The following DIPK2B variants were observed in gnomAD, a reference collection of about 807,000 sequenced individuals.
The protein encoded by DIPK2B is divergent protein kinase domain 2B, also known as UPF0672 protein CXorf36.
Under a neutral mutation model 22.2 loss-of-function variants are expected in DIPK2B, and 15 were observed. The observed-to-expected ratio is 0.68, with a 90% CI of 0.45 to 1.04. DIPK2B has a LOEUF of 1.04. Ranked by LOEUF, DIPK2B falls within the 50% of genes least tolerant of loss-of-function variation. The probability of loss-of-function intolerance (pLI) is 0.00; values close to 1 mark genes in which losing one functional copy is unlikely to be tolerated. For synonymous variants in DIPK2B, 163 were observed against 153.2 expected (o/e 1.06, Z -0.47); for missense variants, 345 against 348.3 (o/e 0.99, Z 0.08).
chrX:45,189,982 G>T (rs2047202707), intron 2 of DIPK2B, among the ~76,000 whole-genome samples: 1 of 111,944 alleles, frequency 8.9e-6, no homozygotes, highest in South Asian at 3.7e-4. Flanking sequence ...ATGCTGTTTT[G>T]GCAGAAAGAA....
At chrX:45,162,518 G>T in intron 2 of DIPK2B, 1 of 754,119 alleles carries the variant, frequency 1.3e-6, no homozygotes, top group Non-Finnish European at 1.6e-6. Context: ...TTTGGCATGT[G>T]CTGGCCATGT....
intron 1 of DIPK2B, among the ~76,000 whole-genome samples, chrX:45,194,485 A>G (rs976216020): frequency 1.8e-5 from 2 of 110,919 alleles, no homozygotes; most frequent in African/African-American, 3.3e-5. Flanking sequence ...CCTGTCTTCA[A>G]GTGATCCACC....
intron 2 of DIPK2B, among the ~76,000 whole-genome samples, chrX:45,185,653 C>CTTTT (rs147218566): frequency 4.6e-5 from 4 of 86,458 alleles, no homozygotes; most frequent in Admixed American, 1.3e-4. Context: ...CTTTTCTTTT[C>CTTTT]TTTTTTTTTT....
At chrX:45,192,467 C>T (rs939221253) in intron 1 of DIPK2B, among the ~76,000 whole-genome samples, 1 of 110,529 alleles carries the variant, frequency 9.0e-6, no homozygotes, top group African/African-American at 3.3e-5. Context: ...GTCAGCAAAC[C>T]CCAGTATCTC....
intron 2 of DIPK2B, among the ~76,000 whole-genome samples, chrX:45,184,283 A>G (rs1228833045): frequency 9.0e-6 from 1 of 111,717 alleles, no homozygotes; most frequent in African/African-American, 3.3e-5. Flanking sequence ...TTTGGGATGA[A>G]CTTTCCAAGT....
At position 45,157,780 on chromosome X, in the gene DIPK2B, T is replaced by A; in HGVS notation, c.607A>T (p.Thr203Ser). 19 of 1,192,673 alleles carry A rather than the reference T, an allele frequency of 1.6e-5. No homozygotes were observed. The highest frequency in any genetic ancestry group is 2.1e-5 in the Non-Finnish European group (19 of 886,831). The change falls in exon 3 of 5, where the codon ACC becomes TCC. Residue 203 changes from threonine (T) to serine (S), a missense_variant. Transcript: ENST00000398000. ...DAGSIFMDHF[T>S]DRDKLRLLYT... Reference sequence around the variant, plus strand: ...AGCAGGCGCAGCTTGTCACGGTCGGTGAAGTGGTCCATGAAGATGCTGCCG... The same window carrying A: ...AGCAGGCGCAGCTTGTCACGGTCGGAGAAGTGGTCCATGAAGATGCTGCCG...
At chrX:45,161,537 G>A (rs2047023036) in intron 2 of DIPK2B, among the ~76,000 whole-genome samples, 1 of 112,424 alleles carries the variant, frequency 8.9e-6, no homozygotes, top group African/African-American at 3.2e-5. Context: ...GTGAGAACCT[G>A]TTGCAAAGAA....
intron 2 of DIPK2B, among the ~76,000 whole-genome samples, chrX:45,180,631 G>A (rs1030309988): frequency 9.0e-6 from 1 of 111,505 alleles, no homozygotes; most frequent in African/African-American, 3.3e-5. Context: ...AGAAATAATA[G>A]GTAAATTTAA....
intron 1 of DIPK2B, among the ~76,000 whole-genome samples, chrX:45,198,444 A>G (rs1187092830): frequency 1.8e-5 from 2 of 110,660 alleles, no homozygotes; most frequent in Non-Finnish European, 3.8e-5. Context: ...AGAGCTATAA[A>G]CCCCAATCTG....
chrX:45,184,292 G>A (rs1569545280), intron 2 of DIPK2B, among the ~76,000 whole-genome samples: 2 of 111,730 alleles, frequency 1.8e-5, no homozygotes, highest in African/African-American at 6.5e-5. Flanking sequence ...AACTTTCCAA[G>A]TATCTGTTCT....
rs775352245 is a variant in DIPK2B at position 45,185,941 on chromosome X, C to T, written c.498+5810G>A. ...TGCTGGGATTACAGGCGTGAGCCAC[C>T]GCGCCCGGCCGACTGTCTCATTTTC... On this transcript the variant is annotated intron_variant, in intron 2 of 4. Transcript: ENST00000398000. Among the ~76,000 whole-genome samples the T allele has an allele frequency of 1.2e-4, 13 of 111,352 alleles. No individual in the cohort carries two copies. In the East Asian group the frequency reaches 3.4e-3, roughly 29 times the overall value.
At chrX:45,190,712 A>G (rs991590336) in intron 2 of DIPK2B, among the ~76,000 whole-genome samples, 1 of 111,602 alleles carries the variant, frequency 9.0e-6, no homozygotes, top group African/African-American at 3.3e-5. Context: ...ACTCAACCAT[A>G]ATTTCCAGGC....
At chrX:45,176,954 C>T (rs2047122207) in intron 2 of DIPK2B, among the ~76,000 whole-genome samples, 1 of 111,614 alleles carries the variant, frequency 9.0e-6, no homozygotes. Context: ...GAGTCATATT[C>T]CACGGAGTAT....
At chrX:45,171,603 T>C (rs12687686) in intron 2 of DIPK2B, among the ~76,000 whole-genome samples, 33,266 of 110,402 alleles carry the variant, frequency 0.3, 4,472 homozygotes, top group African/African-American at 0.52. Context: ...CCCACAGTCA[T>C]GCCTTATTCT....
intron 3 of DIPK2B, 80 bp from the exon 4 acceptor site, chrX:45,154,278 CCTATCTATCTATCTATCTAT>C (rs57660875): frequency 6.6e-6 from 4 of 604,160 alleles, no homozygotes; most frequent in East Asian, 3.7e-5. Context: ...TATCTATCTC[CCTATCTATCTATCTATCTAT>C]CTATCTATCT....
intron 1 of DIPK2B, among the ~76,000 whole-genome samples, chrX:45,192,674 A>G (rs1196353566): frequency 1.8e-5 from 2 of 112,085 alleles, no homozygotes; most frequent in African/African-American, 6.5e-5. Flanking sequence ...AAGAGTGACT[A>G]CTAAATGGTC....
chrX:45,187,814 C>T (rs764526396), intron 2 of DIPK2B, among the ~76,000 whole-genome samples: 5 of 111,229 alleles, frequency 4.5e-5, no homozygotes, highest in Non-Finnish European at 9.4e-5. Context: ...CTCCTCTCAT[C>T]TCTGCCTTGT....
At chrX:45,170,863 C>T (rs1211449631) in intron 2 of DIPK2B, among the ~76,000 whole-genome samples, 1 of 112,485 alleles carries the variant, frequency 8.9e-6, no homozygotes, top group Admixed American at 9.4e-5. Context: ...AGGCCCAGTG[C>T]TCTGTGCCTT....
At chrX:45,154,280 T>TATCC in intron 3 of DIPK2B, 82 bp from the exon 4 acceptor site, 1 of 287,549 alleles carries the variant, frequency 3.5e-6, no homozygotes, top group East Asian at 8.2e-5. Context: ...TCTATCTCCC[T>TATCC]ATCTATCTAT....
Sources: gnomAD v4.1 joint callset for allele counts (sites outside exome capture counted in the v4.1 genomes callset) on GRCh38, gnomAD v4.1.1 for gene constraint, MANE v1.5 for transcripts, NCBI Gene and HGNC (gene_info 2026-07-23, HGNC 2026-07-21) for gene names.